PCDH15: variants seen among roughly 807,000 people sequenced by gnomAD.
PCDH15 encodes protocadherin related 15, also known as protocadherin-15.
PCDH15 carries 129 observed loss-of-function variants against 178.5 expected under a neutral mutation model. The ratio of observed to expected loss-of-function variants is 0.72; its 90% CI spans 0.63 to 0.84. The LOEUF (loss-of-function observed/expected upper bound fraction) is 0.84. PCDH15 is among the 40% of genes least tolerant of loss of function. The pLI is 0.00. For synonymous variants in PCDH15, 800 were observed against 732.0 expected (o/e 1.09, Z -1.50); for missense variants, 2,230 against 2,099.9 (o/e 1.06, Z -1.21).
intron 7 of PCDH15, among the ~76,000 whole-genome samples, chr10:54,327,291 T>G (rs1272531539): frequency 6.6e-6 from 1 of 151,852 alleles, no homozygotes; most frequent in African/African-American, 2.4e-5. Context: ...AAAAAAGAAT[T>G]TTCTGTGTTT....
chr10:55,410,963 G>C (rs1838317230), intron 2 of PCDH15, among the ~76,000 whole-genome samples: 1 of 151,590 alleles, frequency 6.6e-6, no homozygotes, highest in Non-Finnish European at 1.5e-5. Flanking sequence ...TGCCTTTACT[G>C]AAAAAAAATC....
chr10:55,141,005 T>C (rs1469242599), intron 2 of PCDH15, among the ~76,000 whole-genome samples: 3 of 152,076 alleles, frequency 2.0e-5, no homozygotes, highest in Non-Finnish European at 2.9e-5. Flanking sequence ...TGGATAATTG[T>C]CACTTTTATT....
At chr10:54,009,867 G>A (rs2092516210) in intron 20 of PCDH15, among the ~76,000 whole-genome samples, 1 of 152,078 alleles carries the variant, frequency 6.6e-6, no homozygotes, top group Admixed American at 6.5e-5. Flanking sequence ...TCTTGGCAGA[G>A]CCATACTCAG....
intron 2 of PCDH15, among the ~76,000 whole-genome samples, chr10:55,569,965 AT>A (rs151291352): frequency 4.6e-5 from 7 of 151,950 alleles, no homozygotes; most frequent in Non-Finnish European, 1.0e-4. Flanking sequence ...TAATAGTGCT[AT>A]TTTTCCCTAC....
intron 2 of PCDH15, among the ~76,000 whole-genome samples, chr10:55,419,112 A>G (rs1320555893): frequency 6.6e-6 from 1 of 151,720 alleles, no homozygotes; most frequent in Non-Finnish European, 1.5e-5. Context: ...TAAACTTCCT[A>G]TGATAATGAG....
At chr10:54,600,044 A>T in intron 2 of PCDH15, 1 of 1,312,352 alleles carries the variant, frequency 7.6e-7, no homozygotes, top group South Asian at 1.3e-5. Flanking sequence ...AAAGGTGAAC[A>T]GAAAGAGGAA....
At chr10:55,166,884 C>T in intron 1 of PCDH15, among the ~76,000 whole-genome samples, 1 of 152,104 alleles carries the variant, frequency 6.6e-6, no homozygotes, top group Non-Finnish European at 1.5e-5. Flanking sequence ...TCTTAGAATG[C>T]ATATCTATGC....
chr10:54,496,559 C>T (rs1211268934), intron 3 of PCDH15, among the ~76,000 whole-genome samples: 2 of 152,110 alleles, frequency 1.3e-5, no homozygotes, highest in African/African-American at 4.8e-5. Flanking sequence ...ACAAAACAAA[C>T]CTTTATTTGA....
chr10:55,505,846 A>G (rs967957482), intron 2 of PCDH15, among the ~76,000 whole-genome samples: 3 of 151,492 alleles, frequency 2.0e-5, no homozygotes, highest in Non-Finnish European at 3.0e-5. Context: ...TCTGTCCTGT[A>G]GGAAGACTTC....
chr10:54,351,952 G>GA (rs1944251335), intron 5 of PCDH15, among the ~76,000 whole-genome samples: 1 of 152,110 alleles, frequency 6.6e-6, no homozygotes, highest in African/African-American at 2.4e-5. Context: ...ATGGTATGCT[G>GA]TTCACTTGGA....
chr10:55,158,689 T>C (rs11004765), intron 2 of PCDH15, among the ~76,000 whole-genome samples: 8,553 of 94,012 alleles, frequency 0.091, 600 homozygotes, highest in East Asian at 0.28. Flanking sequence ...CAATTTGTTC[T>C]AAGTAAAAAA....
intron 6 of PCDH15, among the ~76,000 whole-genome samples, chr10:54,332,368 A>ATATATTATTAT (rs1316014451): frequency 5.1e-5 from 5 of 97,434 alleles, no homozygotes; most frequent in African/African-American, 7.7e-5. Flanking sequence ...AATCTATATT[A>ATATATTATTAT]TATATATAAT....
intron 2 of PCDH15, among the ~76,000 whole-genome samples, chr10:55,544,030 T>C (rs1841820547): frequency 6.6e-6 from 1 of 150,404 alleles, no homozygotes; most frequent in Non-Finnish European, 1.5e-5. Context: ...GTCACTGTAG[T>C]TGATGTAAAC....
intron 3 of PCDH15, among the ~76,000 whole-genome samples, chr10:54,420,660 G>C (rs989604097): frequency 5.3e-5 from 8 of 151,954 alleles, no homozygotes; most frequent in Non-Finnish European, 1.2e-4. Context: ...ACATAAAGTA[G>C]CAGAAATGAA....
chr10:54,569,955 A>C (rs1426186987), intron 2 of PCDH15, among the ~76,000 whole-genome samples: 1 of 152,100 alleles, frequency 6.6e-6, no homozygotes, highest in Non-Finnish European at 1.5e-5. Context: ...CTAAAGTTAA[A>C]AGCTATAAAT....
chr10:55,254,948 CTTTTCT>C (rs1159246332), intron 1 of PCDH15, among the ~76,000 whole-genome samples: 2 of 43,852 alleles, frequency 4.6e-5, no homozygotes, highest in African/African-American at 9.4e-5. Context: ...TAGCTTAAGT[CTTTTCT>C]TTTTTTTTTT....
At chr10:54,295,482 TC>T (rs1203210853) in intron 8 of PCDH15, among the ~76,000 whole-genome samples, 1 of 152,170 alleles carries the variant, frequency 6.6e-6, no homozygotes, top group Non-Finnish European at 1.5e-5. Flanking sequence ...TGGTGCTCAC[TC>T]TTAGGGTCCA....
At chr10:54,294,266 A>G (rs2059604309) in intron 8 of PCDH15, among the ~76,000 whole-genome samples, 1 of 151,772 alleles carries the variant, frequency 6.6e-6, no homozygotes, top group South Asian at 2.1e-4. Context: ...TCGAACAATG[A>G]GAACACTTGG....
intron 1 of PCDH15, among the ~76,000 whole-genome samples, chr10:55,282,194 G>A (rs1842752135): frequency 6.6e-6 from 1 of 152,074 alleles, no homozygotes; most frequent in South Asian, 2.1e-4. Context: ...CTCACTTCCT[G>A]ACCTCTAGCC....
Sources: gnomAD v4.1 joint callset for allele counts (sites outside exome capture counted in the v4.1 genomes callset) on GRCh38, gnomAD v4.1.1 for gene constraint, MANE v1.5 for transcripts, NCBI Gene and HGNC (gene_info 2026-07-23, HGNC 2026-07-21) for gene names.